CYYR1: variants seen among roughly 807,000 people sequenced by gnomAD.
CYYR1 encodes the protein cysteine and tyrosine-rich protein 1.
In CYYR1, 14 loss-of-function variants were observed where a neutral mutation model predicts 15.2. The observed-to-expected ratio is 0.92, with a 90% confidence interval of 0.61 to 1.44. The LOEUF (loss-of-function observed/expected upper bound fraction) is 1.44, where lower values mean the gene tolerates loss of function less well. Among genes scored for constraint, CYYR1 ranks in the 40% most tolerant of loss-of-function variants. The pLI is 0.00. For synonymous variants in CYYR1, 80 were observed against 77.4 expected, an observed-to-expected ratio of 1.03 and a Z score of -0.18; for missense variants, 228 against 209.5, an observed-to-expected ratio of 1.09 and a Z score of -0.54.
At chr21:26,533,299 A>T (rs2065955650) in intron 2 of CYYR1, among the ~76,000 whole-genome samples, 1 of 151,500 alleles carries the variant, frequency 6.6e-6, no homozygotes, top group African/African-American at 2.4e-5. Flanking sequence ...TTACGGAATT[A>T]TGAGGACTGA....
chr21:26,550,022 C>T lies in CYYR1; in HGVS notation c.176+16244G>A, dbSNP rs1979268818. Among the ~76,000 whole-genome samples the T allele has an allele frequency of 2.6e-5, 4 of 152,276 alleles. No homozygotes were observed. In the South Asian group the frequency reaches 6.2e-4, roughly 24 times the overall value. On this transcript the variant is annotated intron_variant, in intron 2 of 3. Coordinates refer to ENST00000652641, the MANE Select transcript of CYYR1 (RefSeq NM_001320768.2). ...AGATCTGTGGCAGCCCTTCATTGAG[C>T]AAGTCTATTGGCACAATTTTTCCAA...
At chr21:26,524,785 C>A (rs1404030145) in intron 2 of CYYR1, among the ~76,000 whole-genome samples, 3 of 103,474 alleles carry the variant, frequency 2.9e-5, no homozygotes, top group Non-Finnish European at 6.1e-5. Flanking sequence ...CTTTGCTCCA[C>A]ATATTTTGTT....
chr21:26,555,049 T>C (rs932892080), intron 2 of CYYR1, among the ~76,000 whole-genome samples: 18 of 152,170 alleles, frequency 1.2e-4, no homozygotes, highest in Non-Finnish European at 2.6e-4. Flanking sequence ...GGCTCGGTGA[T>C]ATTAGGAGAT....
chr21:26,483,469 A>T, intron 2 of CYYR1: 1 of 979,164 alleles, frequency 1.0e-6, no homozygotes, highest in Non-Finnish European at 1.2e-6. Context: ...GCAAGCCAGA[A>T]TTTGACAGGT....
intron 2 of CYYR1, 152 bp downstream of exon 2, chr21:26,566,114 C>A (rs989508088): frequency 1.6e-5 from 9 of 567,722 alleles, no homozygotes; most frequent in Non-Finnish European, 2.8e-5. Context: ...CATTAGATAG[C>A]GATGTGTTAA....
At chr21:26,516,856 C>T (rs1202601534) in intron 2 of CYYR1, among the ~76,000 whole-genome samples, 4 of 151,962 alleles carry the variant, frequency 2.6e-5, no homozygotes, top group Non-Finnish European at 5.9e-5. Flanking sequence ...TGGCTCACGC[C>T]TGTAATCCCA....
intron 1 of CYYR1, among the ~76,000 whole-genome samples, chr21:26,569,763 C>T (rs769491085): frequency 1.4e-4 from 21 of 152,144 alleles, no homozygotes; most frequent in Non-Finnish European, 2.9e-4. Flanking sequence ...CCATCAATAT[C>T]GAAGATTCAA....
chr21:26,506,742 A>G (rs894612433), intron 2 of CYYR1: 1 of 151,932 alleles, frequency 6.6e-6, no homozygotes, highest in East Asian at 1.9e-4. Flanking sequence ...GGTACAAAAG[A>G]TGCATGGTCC....
rs571481276 is a variant in CYYR1 at position 26,487,882 on chromosome 21, C to T, written c.177-7453G>A. ...TGCTTAGGAGGGTAGGAAGACCAATCCATGTAATTTTTCCAGTAAGTCTAC... is the reference window on the plus strand; with the variant it reads ...TGCTTAGGAGGGTAGGAAGACCAATTCATGTAATTTTTCCAGTAAGTCTAC... On this transcript the variant is annotated intron_variant, in intron 2 of 3. Transcript: ENST00000652641. Among the ~76,000 whole-genome samples the T allele has an allele frequency of 2.6e-3, 387 of 150,278 alleles. 2 individuals are homozygous for T. Among genetic ancestry groups the T allele is most frequent in the African/African-American group, 8.7e-3 (355 of 41,004 alleles).
At chr21:26,496,752 G>A (rs534302742) in intron 2 of CYYR1, among the ~76,000 whole-genome samples, 14 of 152,086 alleles carry the variant, frequency 9.2e-5, no homozygotes, top group Admixed American at 2.6e-4. Flanking sequence ...GTGTAGACCC[G>A]GATAAATAGA....
chr21:26,545,500 G>A (rs1690207424), intron 2 of CYYR1, among the ~76,000 whole-genome samples: 1 of 148,734 alleles, frequency 6.7e-6, no homozygotes, highest in African/African-American at 2.4e-5. Flanking sequence ...AGGTTAATGA[G>A]TGATAGTACA....
At chr21:26,560,497 T>C (rs12482913) in intron 2 of CYYR1, among the ~76,000 whole-genome samples, 4,513 of 152,286 alleles carry the variant, frequency 0.03, 92 homozygotes, top group East Asian at 0.077. Flanking sequence ...TAGTTTGTCA[T>C]ATTTTTGCCT....
intron 2 of CYYR1, among the ~76,000 whole-genome samples, chr21:26,563,416 A>C (rs1309993480): frequency 6.6e-6 from 1 of 152,124 alleles, no homozygotes; most frequent in Admixed American, 6.5e-5. Context: ...TACTAAAAAT[A>C]CAAAAATTAG....
At chr21:26,548,616 T>C (rs1046015543) in intron 2 of CYYR1, among the ~76,000 whole-genome samples, 13 of 152,206 alleles carry the variant, frequency 8.5e-5, no homozygotes, top group Admixed American at 2.0e-4. Context: ...CCCAAAGTGC[T>C]GGGATCACAG....
At chr21:26,562,140 G>A (rs1980244889) in intron 2 of CYYR1, among the ~76,000 whole-genome samples, 1 of 152,100 alleles carries the variant, frequency 6.6e-6, no homozygotes, top group Non-Finnish European at 1.5e-5. Context: ...TCTTGAATTG[G>A]CCCAATTCTC....
Position 26,467,658 on chromosome 21 carries a change from C to G in CYYR1, c.*843G>C, listed in dbSNP as rs2064984382. On this transcript the variant is annotated 3_prime_UTR_variant, in exon 4 of 4. Coordinates refer to ENST00000652641, the MANE Select transcript of CYYR1 (RefSeq NM_001320768.2). Reference sequence around the variant, plus strand: ...CCCCACAGTTAGAATAACCTTTATTCTGATCCACTATAAAGCCAGATGATT... The same window carrying G: ...CCCCACAGTTAGAATAACCTTTATTGTGATCCACTATAAAGCCAGATGATT... 6.6e-6 allele frequency: 1 copy of G among 151,984 alleles called. No homozygotes were observed. The highest frequency in any genetic ancestry group is 2.4e-5 in the African/African-American group (1 of 41,364). 9.4% of individuals were successfully genotyped at this position (151,984 alleles called of 1,614,324 possible). A position where few individuals can be genotyped will look rare whatever the true frequency, so the allele number is the denominator to read the frequency against.
At chr21:26,555,951 G>T (rs1046161445) in intron 2 of CYYR1, among the ~76,000 whole-genome samples, 3 of 152,146 alleles carry the variant, frequency 2.0e-5, no homozygotes, top group Non-Finnish European at 2.9e-5. Context: ...TGTCTTAACA[G>T]TCATAGGCTG....
intron 2 of CYYR1, among the ~76,000 whole-genome samples, chr21:26,561,687 T>C (rs1980213681): frequency 6.6e-6 from 1 of 152,212 alleles, no homozygotes. Context: ...CACAGACCGA[T>C]GAGTGCTTTA....
intron 2 of CYYR1, among the ~76,000 whole-genome samples, chr21:26,488,240 A>ACTTCCTTCCTTC (rs71336135): frequency 0.012 from 1,668 of 139,402 alleles, 20 homozygotes; most frequent in African/African-American, 0.02. Flanking sequence ...ATCTTCCCCT[A>ACTTCCTTCCTTC]CTTCCTTCCT....
Sources: allele counts gnomAD v4.1 joint callset (sites outside exome capture counted in the v4.1 genomes callset), GRCh38; gene constraint gnomAD v4.1.1; transcripts MANE v1.5; gene names NCBI Gene and HGNC (gene_info 2026-07-23, HGNC 2026-07-21).